Variants in ANK1 observed in about 807,000 individuals in gnomAD.
The protein encoded by ANK1 is ankyrin 1.
Under a neutral mutation model 210.4 loss-of-function variants are expected in ANK1, and 51 were observed. That is an observed-to-expected ratio of 0.24 (90% CI 0.19 to 0.31). The LOEUF is 0.31. Among genes scored for constraint, ANK1 ranks in the 10% least tolerant of loss-of-function variants. The probability of loss-of-function intolerance (pLI) is 1.00; values close to 1 mark genes in which losing one functional copy is unlikely to be tolerated. For missense variants in ANK1, 2,051 were observed against 2,504.4 expected, an observed-to-expected ratio of 0.82 and a Z score of 3.86; for synonymous variants, 967 against 1,025.9, an observed-to-expected ratio of 0.94 and a Z score of 1.10.
chr8:41,697,505 G>A (rs1409766044), intron 24 of ANK1, among the ~76,000 whole-genome samples: 1 of 152,042 alleles, frequency 6.6e-6, no homozygotes, highest in Admixed American at 6.6e-5. Flanking sequence ...CTTGGGGCTG[G>A]TTAGGGCCTC....
chr8:41,688,740 T>C, intron 33 of ANK1, 151 bp from the exon 34 acceptor site: 1 of 741,206 alleles, frequency 1.3e-6, no homozygotes, highest in Non-Finnish European at 2.4e-6. Context: ...ACACAAAGAG[T>C]AACACATGGG....
At chr8:41,712,839 G>A (rs144365625) in intron 16 of ANK1, among the ~76,000 whole-genome samples, 108 of 152,316 alleles carry the variant, frequency 7.1e-4, no homozygotes, top group African/African-American at 2.5e-3. Flanking sequence ...CCTGGCTCCC[G>A]TTCCTTTTAT....
At chr8:41,844,104 C>G (rs55696734) in intron 1 of ANK1, among the ~76,000 whole-genome samples, 2 of 152,314 alleles carry the variant, frequency 1.3e-5, no homozygotes, top group Non-Finnish European at 2.9e-5. Context: ...AACTCCTGGC[C>G]TCAAGCAATC....
intron 1 of ANK1, among the ~76,000 whole-genome samples, chr8:41,830,436 C>T (rs1008023367): frequency 6.6e-6 from 1 of 151,916 alleles, no homozygotes; most frequent in Non-Finnish European, 1.5e-5. Flanking sequence ...TGGTATATGG[C>T]TGCTTTCCAC....
intron 41 of ANK1, 35 bp from the exon 42 acceptor site, chr8:41,661,599 A>T: frequency 6.2e-7 from 1 of 1,613,080 alleles, no homozygotes; most frequent in East Asian, 2.2e-5. Flanking sequence ...AGCAGGACAG[A>T]TCGCAAAGAC....
intron 1 of ANK1, among the ~76,000 whole-genome samples, chr8:41,768,396 G>T (rs1218677540): frequency 6.6e-6 from 1 of 152,238 alleles, no homozygotes; most frequent in Non-Finnish European, 1.5e-5. Context: ...ACATTGTACA[G>T]TACAGCTGCG....
rs192205761 is a variant in ANK1 at position 41,748,842 on chromosome 8, C to T, written c.129+9194G>A. ...CGAGGTCAGGAGATCAAGACCATCC[C>T]AGCTAACACAGTGAAATCCCGTCTC... On this transcript the variant is annotated intron_variant, in intron 2 of 42. Coordinates refer to ENST00000289734, the MANE Select transcript of ANK1 (RefSeq NM_000037.4). Among the ~76,000 whole-genome samples the T allele has an allele frequency of 3.5e-3, 534 of 152,254 alleles. 4 individuals carry two copies. The highest frequency in any genetic ancestry group is 0.02 in the Middle Eastern group (6 of 294).
At chr8:41,884,271 C>G (rs527825385) in intron 1 of ANK1, among the ~76,000 whole-genome samples, 1 of 152,198 alleles carries the variant, frequency 6.6e-6, no homozygotes, top group African/African-American at 2.4e-5. Context: ...TCACTTGAAC[C>G]TGGGAGGCAG....
intron 2 of ANK1, among the ~76,000 whole-genome samples, chr8:41,748,771 T>C (rs117213219): frequency 0.026 from 3,973 of 152,278 alleles, 91 homozygotes; most frequent in Admixed American, 0.041. Flanking sequence ...CGCGGTGGCT[T>C]ACGCCTGTAA....
chr8:41,679,640 G>A (rs575021291), intron 37 of ANK1, among the ~76,000 whole-genome samples: 9 of 134,654 alleles, frequency 6.7e-5, no homozygotes, highest in South Asian at 2.4e-4. Context: ...TCGGCTCACT[G>A]CAAGCTCCGC....
intron 1 of ANK1, among the ~76,000 whole-genome samples, chr8:41,809,386 G>A (rs1380608980): frequency 2.0e-5 from 3 of 152,184 alleles, no homozygotes; most frequent in African/African-American, 4.8e-5. Context: ...TAGCAAACGC[G>A]TCAACATGCA....
intron 37 of ANK1, among the ~76,000 whole-genome samples, chr8:41,683,479 TGTACCCA>T (rs1816753931): frequency 6.6e-6 from 1 of 152,114 alleles, no homozygotes; most frequent in African/African-American, 2.4e-5. Flanking sequence ...CCCCAAACTG[TGTACCCA>T]GTCACAGGTG....
intron 8 of ANK1, 98 bp downstream of exon 8, chr8:41,723,437 A>G: frequency 7.1e-7 from 1 of 1,409,756 alleles, no homozygotes; most frequent in Admixed American, 1.7e-5. Context: ...CTGGTGGTGC[A>G]TCCCTAACTA....
chr8:41,875,108 G>A (rs910593976), intron 1 of ANK1, among the ~76,000 whole-genome samples: 2 of 152,176 alleles, frequency 1.3e-5, no homozygotes, highest in Non-Finnish European at 2.9e-5. Context: ...AAAGGGTACG[G>A]GATGACCGGG....
intron 38 of ANK1, among the ~76,000 whole-genome samples, chr8:41,669,399 C>G (rs1261056358): frequency 6.6e-6 from 1 of 152,074 alleles, no homozygotes; most frequent in African/African-American, 2.4e-5. Context: ...TGGGCTCAGG[C>G]GATCCTCCTG....
In ANK1 at chr8:41,683,951, G is replaced by A. The variant is rs1586048032; in HGVS notation, c.4537+593C>T. On this transcript the variant is annotated intron_variant, in intron 37 of 42. Coordinates refer to ENST00000289734, the MANE Select transcript of ANK1 (RefSeq NM_000037.4). Reference sequence around the variant, plus strand: ...TCACATCAACAAAGAATGAGGGGAAGGAGATGAGATGATAGAAAAGGGGGA... The same window carrying A: ...TCACATCAACAAAGAATGAGGGGAAAGAGATGAGATGATAGAAAAGGGGGA... 7.9e-5 allele frequency among the ~76,000 whole-genome samples: 12 copies of A among 152,316 alleles called. No homozygotes were observed. The South Asian group carries it at 2.3e-3, about 29-fold the overall frequency.
chr8:41,870,063 A>G lies in ANK1; in HGVS notation c.126+26292T>C, dbSNP rs1815179290. 3.3e-5 allele frequency among the ~76,000 whole-genome samples: 5 copies of G among 152,028 alleles called. No individual in the cohort carries two copies. In the South Asian group the frequency reaches 1.0e-3, roughly 32 times the overall value. ...TTAACCAGTGCCCTAGAGGCCTAAA[A>G]CCATTTTAGGGATTCAGGCGGTTCA... is the stretch of plus-strand genomic sequence containing the variant. On this transcript the variant is annotated intron_variant, in intron 1 of 42. Coordinates refer to the ANK1 transcript ENST00000265709.
chr8:41,760,435 G>A (rs1485781390), intron 1 of ANK1, among the ~76,000 whole-genome samples: 2 of 152,156 alleles, frequency 1.3e-5, no homozygotes, highest in Non-Finnish European at 2.9e-5. Context: ...TGCCATGATT[G>A]TAAGGCCTCC....
Position 41,703,446 on chromosome 8 carries a change from ATATAT to A in ANK1, c.2295+590_2295+594del, listed in dbSNP as rs561358912. Among the ~76,000 whole-genome samples the A allele has an allele frequency of 5.7e-3, 349 of 61,542 alleles. 6 individuals carry two copies. Among genetic ancestry groups the A allele is most frequent in the African/African-American group, 0.018 (279 of 15,272 alleles). 40.4% of individuals were successfully genotyped at this position (61,542 alleles called of 152,430 possible). On this transcript the variant is annotated intron_variant, in intron 20 of 42. Coordinates refer to ENST00000289734, the MANE Select transcript of ANK1 (RefSeq NM_000037.4). Reference sequence around the variant, plus strand: ...TGTATATATATATATATATATATATATATATTTTTTTTTTTTTTTTAAGACACAAG... The same window carrying A: ...TGTATATATATATATATATATATATATTTTTTTTTTTTTTTAAGACACAAG...
Sources: allele counts gnomAD v4.1 joint callset (sites outside exome capture counted in the v4.1 genomes callset), GRCh38; gene constraint gnomAD v4.1.1; transcripts MANE v1.5; gene names NCBI Gene and HGNC (gene_info 2026-07-23, HGNC 2026-07-21).